The following GRIN2B variants were observed in gnomAD, a reference collection of about 807,000 sequenced individuals.
GRIN2B encodes glutamate ionotropic receptor NMDA type subunit 2B.
A neutral mutation model predicts 114.5 loss-of-function variants in GRIN2B; 5 were observed. The observed-to-expected ratio is 0.04, with a 90% CI of 0.02 to 0.09. The LOEUF (loss-of-function observed/expected upper bound fraction) is 0.09. Ranked by LOEUF, GRIN2B falls within the 10% of genes least tolerant of loss-of-function variation. The probability of loss-of-function intolerance (pLI) is 1.00; values close to 1 mark genes in which losing one functional copy is unlikely to be tolerated. For missense variants in GRIN2B, 1,108 were observed against 1,943.5 expected, an observed-to-expected ratio of 0.57 and a Z score of 8.08; for synonymous variants, 787 against 745.1, an observed-to-expected ratio of 1.06 and a Z score of -0.92.
At chr12:13,955,282 A>G (rs1401090619) in intron 2 of GRIN2B, among the ~76,000 whole-genome samples, 2 of 152,186 alleles carry the variant, frequency 1.3e-5, no homozygotes, top group African/African-American at 4.8e-5. Context: ...TTTTCATGCT[A>G]TTTCTTGTAG....
rs540606572 is a variant in GRIN2B, at chr12:13,554,670, T to G, written c.*8113A>C. On this transcript the variant is annotated 3_prime_UTR_variant, in exon 14 of 14. Coordinates refer to ENST00000609686, the MANE Select transcript of GRIN2B (RefSeq NM_000834.5). ...GGAAGTGAGTACTGACAAGAGTAGA[T>G]TCAAATATAAAATATTGGAACAATG... The G allele has an allele frequency of 6.6e-6, 1 of 152,196 alleles. No individual in the cohort carries two copies. The highest frequency in any genetic ancestry group is 2.1e-4 in the South Asian group (1 of 4,818). 9.4% of individuals were successfully genotyped at this position (152,196 alleles called of 1,614,324 possible). A position where few individuals can be genotyped will look rare whatever the true frequency, so the allele number is the denominator to read the frequency against.
chr12:13,811,971 G>A (rs1288934480), intron 3 of GRIN2B, among the ~76,000 whole-genome samples: 1 of 152,164 alleles, frequency 6.6e-6, no homozygotes, highest in Non-Finnish European at 1.5e-5. Flanking sequence ...TTTCGTAAGT[G>A]GATACTTTTC....
intron 4 of GRIN2B, among the ~76,000 whole-genome samples, chr12:13,726,364 G>A (rs1267470117): frequency 1.3e-5 from 2 of 151,534 alleles, no homozygotes; most frequent in Non-Finnish European, 2.9e-5. Flanking sequence ...GTGAAACCTT[G>A]TCTCTACTAA....
At chr12:13,974,824 G>T (rs931295573) in intron 2 of GRIN2B, among the ~76,000 whole-genome samples, 1 of 151,840 alleles carries the variant, frequency 6.6e-6, no homozygotes, top group African/African-American at 2.4e-5. Context: ...CTTAAATGTT[G>T]TTGAATAATT....
At chr12:13,914,995 A>C (rs1389563744) in intron 2 of GRIN2B, among the ~76,000 whole-genome samples, 1 of 152,210 alleles carries the variant, frequency 6.6e-6, no homozygotes, top group African/African-American at 2.4e-5. Context: ...GCAGTTCAGT[A>C]GGGTTTCCAC....
intron 2 of GRIN2B, among the ~76,000 whole-genome samples, chr12:13,945,239 G>C (rs922471909): frequency 6.6e-6 from 1 of 152,170 alleles, no homozygotes; most frequent in Non-Finnish European, 1.5e-5. Flanking sequence ...TACTCTTCTT[G>C]TTCCAGATTC....
intron 10 of GRIN2B, among the ~76,000 whole-genome samples, chr12:13,576,111 A>G (rs2136421062): frequency 6.6e-6 from 1 of 152,298 alleles, no homozygotes; most frequent in Non-Finnish European, 1.5e-5. Context: ...TTTCTTTTGA[A>G]AATTCTTGTC....
At chr12:13,582,841 C>T (rs1721909989) in intron 10 of GRIN2B, among the ~76,000 whole-genome samples, 1 of 152,164 alleles carries the variant, frequency 6.6e-6, no homozygotes, top group Admixed American at 6.5e-5. Flanking sequence ...TCTTCAGATT[C>T]CTGGAATTTA....
chr12:13,602,351 A>C (rs906593296), intron 10 of GRIN2B, among the ~76,000 whole-genome samples: 4 of 152,204 alleles, frequency 2.6e-5, no homozygotes, highest in African/African-American at 7.2e-5. Flanking sequence ...CTAGTTGGTC[A>C]TGACTGCTAC....
At chr12:13,794,788 C>T (rs1864388331) in intron 3 of GRIN2B, among the ~76,000 whole-genome samples, 2 of 152,250 alleles carry the variant, frequency 1.3e-5, no homozygotes, top group Non-Finnish European at 2.9e-5. Context: ...TTCTGTTCAG[C>T]CATGACAATC....
rs796325936 is a variant in GRIN2B at position 13,538,630 on chromosome 12, C to G, written c.*24153G>C. On this transcript the variant is annotated 3_prime_UTR_variant, in exon 14 of 14. Transcript: ENST00000609686. ...AGGAGTTCAGAATCAGCCTGGACAA[C>G]ATGGTGAAACCCCGTCTCTACAAAA... is the stretch of plus-strand genomic sequence containing the variant. 1 of 152,118 alleles carries G rather than the reference C, an allele frequency of 6.6e-6. No individual in the cohort carries two copies. The highest frequency in any genetic ancestry group is 1.5e-5 in the Non-Finnish European group (1 of 68,040). The allele number at this position is 152,118 out of a possible 1,614,324, so 9.4% of individuals were successfully genotyped here. A position where few individuals can be genotyped will look rare whatever the true frequency, so the allele number is the denominator to read the frequency against.
intron 5 of GRIN2B, among the ~76,000 whole-genome samples, chr12:13,635,713 C>A (rs1171833455): frequency 1.3e-5 from 2 of 152,118 alleles, no homozygotes; most frequent in East Asian, 1.9e-4. Flanking sequence ...TTCATTTAGG[C>A]AGTTAGTGGC....
At chr12:13,701,716 C>T (rs1950314938) in intron 4 of GRIN2B, among the ~76,000 whole-genome samples, 1 of 149,466 alleles carries the variant, frequency 6.7e-6, no homozygotes, top group South Asian at 2.1e-4. Context: ...ACAAGAAGCC[C>T]AGGACTATGC....
chr12:13,848,505 A>G (rs1198069756), intron 3 of GRIN2B, among the ~76,000 whole-genome samples: 1 of 152,168 alleles, frequency 6.6e-6, no homozygotes, highest in Non-Finnish European at 1.5e-5. Context: ...GTCAAATGAC[A>G]GAAAAGAACA....
At chr12:13,632,527 C>G (rs1949624830) in intron 5 of GRIN2B, among the ~76,000 whole-genome samples, 1 of 152,234 alleles carries the variant, frequency 6.6e-6, no homozygotes, top group African/African-American at 2.4e-5. Context: ...GGTTCTAGAA[C>G]TGCTCCTATT....
intron 4 of GRIN2B, among the ~76,000 whole-genome samples, chr12:13,690,089 A>G (rs1482913946): frequency 6.6e-6 from 1 of 152,112 alleles, no homozygotes; most frequent in Non-Finnish European, 1.5e-5. Flanking sequence ...TCCATGATAG[A>G]CAACATACTA....
At chr12:13,718,662 A>T (rs536266144) in intron 4 of GRIN2B, among the ~76,000 whole-genome samples, 1 of 152,170 alleles carries the variant, frequency 6.6e-6, no homozygotes, top group South Asian at 2.1e-4. Flanking sequence ...TCTAAAGAGG[A>T]TCTGGAAGCC....
intron 2 of GRIN2B, among the ~76,000 whole-genome samples, chr12:13,886,394 G>A (rs956027218): frequency 1.3e-5 from 2 of 152,160 alleles, no homozygotes; most frequent in African/African-American, 4.8e-5. Flanking sequence ...GCTTGACCAA[G>A]CTCAACCAAT....
intron 3 of GRIN2B, among the ~76,000 whole-genome samples, chr12:13,790,060 C>T (rs752331453): frequency 1.8e-4 from 28 of 152,196 alleles, no homozygotes; most frequent in Non-Finnish European, 3.2e-4. Context: ...GAGACAACTG[C>T]TCACTTTCTC....
Sources: allele counts gnomAD v4.1 joint callset (sites outside exome capture counted in the v4.1 genomes callset), GRCh38; gene constraint gnomAD v4.1.1; transcripts MANE v1.5; gene names NCBI Gene and HGNC (gene_info 2026-07-23, HGNC 2026-07-21).